Variants in PRKN observed in about 807,000 individuals in gnomAD.
PRKN encodes the protein E3 ubiquitin-protein ligase parkin.
In PRKN, 56 loss-of-function variants were observed where a neutral mutation model predicts 59.5. The ratio of observed to expected loss-of-function variants is 0.94; its 90% CI spans 0.76 to 1.18. The LOEUF is 1.18. PRKN is among the 50% of genes most tolerant of loss of function. The pLI, the probability that PRKN is intolerant of heterozygous loss-of-function variation, is 0.00. For synonymous variants in PRKN, 250 were observed against 222.1 expected (o/e 1.13, Z -1.12); for missense variants, 657 against 596.4 (o/e 1.10, Z -1.06).
At position 162,292,008 on chromosome 6, in the gene PRKN, G is replaced by A. The variant is rs1373841566; in HGVS notation, c.172-29243C>T. Reference sequence around the variant, plus strand: ...GACGGACTTTCACTCTTGTCATCCAGGCTGGAGTGCAATGGCGGGATCTCG... The same window carrying A: ...GACGGACTTTCACTCTTGTCATCCAAGCTGGAGTGCAATGGCGGGATCTCG... On this transcript the variant is annotated intron_variant, in intron 2 of 11. Coordinates refer to ENST00000366898, the MANE Select transcript of PRKN (RefSeq NM_004562.3). Among the ~76,000 whole-genome samples, 3 of 149,294 alleles carry A rather than the reference G, an allele frequency of 2.0e-5. No individual in the cohort carries two copies. In the Admixed American group the frequency reaches 2.0e-4, roughly 10 times the overall value.
At chr6:161,374,911 G>A (rs1158190475) in intron 10 of PRKN, among the ~76,000 whole-genome samples, 5 of 152,134 alleles carry the variant, frequency 3.3e-5, no homozygotes, top group Non-Finnish European at 7.4e-5. Flanking sequence ...TACCAACTCT[G>A]CTGGGATCCT....
chr6:161,849,233 T>C (rs1424841872), intron 6 of PRKN, among the ~76,000 whole-genome samples: 1 of 152,214 alleles, frequency 6.6e-6, no homozygotes, highest in Admixed American at 6.5e-5. Flanking sequence ...CCTCCTAGTC[T>C]GCGTGACGGA....
intron 1 of PRKN, among the ~76,000 whole-genome samples, chr6:162,567,619 A>T (rs913759696): frequency 6.6e-6 from 1 of 151,674 alleles, no homozygotes; most frequent in Non-Finnish European, 1.5e-5. Context: ...TAAATCAAAG[A>T]GAATGCCAAA....
Position 162,654,277 on chromosome 6 carries a change from A to G in PRKN, c.7+73385T>C, listed in dbSNP as rs149913610. 1.2e-3 allele frequency among the ~76,000 whole-genome samples: 187 copies of G among 152,332 alleles called. 2 individuals carry two copies. In the East Asian group the frequency reaches 0.03, roughly 24 times the overall value. On this transcript the variant is annotated intron_variant, in intron 1 of 11. Coordinates refer to ENST00000366898, the MANE Select transcript of PRKN (RefSeq NM_004562.3). ...GTTCATACACATGTTTTTAACAGTT[A>G]TCAAGTTATGGATTAAGAAATATCA...
chr6:162,602,236 G>A (rs915641686), intron 1 of PRKN, among the ~76,000 whole-genome samples: 2 of 152,190 alleles, frequency 1.3e-5, no homozygotes, highest in East Asian at 3.9e-4. Flanking sequence ...CAGATGAGGT[G>A]GCGTTGAGAG....
At chr6:161,703,999 G>A (rs1393262361) in intron 7 of PRKN, among the ~76,000 whole-genome samples, 1 of 151,770 alleles carries the variant, frequency 6.6e-6, no homozygotes, top group Non-Finnish European at 1.5e-5. Flanking sequence ...AGGATTACAG[G>A]CATGCACCAC....
At chr6:162,026,187 C>T (rs1467032042) in intron 5 of PRKN, among the ~76,000 whole-genome samples, 1 of 152,198 alleles carries the variant, frequency 6.6e-6, no homozygotes, top group African/African-American at 2.4e-5. Context: ...TGGACTATCA[C>T]TTCCGCAACT....
chr6:162,128,489 T>G (rs1014246936), intron 4 of PRKN, among the ~76,000 whole-genome samples: 3 of 152,086 alleles, frequency 2.0e-5, no homozygotes, highest in African/African-American at 7.2e-5. Flanking sequence ...AGGCCAAACG[T>G]AGACAGCATC....
intron 6 of PRKN, among the ~76,000 whole-genome samples, chr6:161,874,797 TGTATAAG>T: frequency 2.0e-5 from 2 of 97,744 alleles, no homozygotes; most frequent in African/African-American, 9.9e-5. Context: ...ATAAATAAAA[TGTATAAG>T]ATATATAAAA....
chr6:162,657,188 A>G (rs973493686), intron 1 of PRKN, among the ~76,000 whole-genome samples: 2 of 152,252 alleles, frequency 1.3e-5, no homozygotes, highest in African/African-American at 4.8e-5. Context: ...ACATTGATGC[A>G]ATTATCCATA....
In PRKN at chr6:161,518,891, G is replaced by C. The variant is rs1778714763; in HGVS notation, c.1083+29963C>G. Among the ~76,000 whole-genome samples, 1 of 152,204 alleles carries C rather than the reference G, an allele frequency of 6.6e-6. No individual in the cohort carries two copies. Among genetic ancestry groups the C allele is most frequent in the African/African-American group, 2.4e-5 (1 of 41,452 alleles). On this transcript the variant is annotated intron_variant, in intron 9 of 11. Transcript: ENST00000366898. This position sits in a 1 kb window ranked among gnomAD's most constrained non-coding sequence, Gnocchi z 5.0. ...AGCAGCCCTCCACACCAATGTCAGG[G>C]AGAGGAAGGCTGAGCACAAGAGAAT...
chr6:161,537,551 A>T (rs538767596), intron 9 of PRKN, among the ~76,000 whole-genome samples: 2 of 150,712 alleles, frequency 1.3e-5, no homozygotes, highest in Admixed American at 1.3e-4. Flanking sequence ...TCCCAGGTTC[A>T]CACCATTCTC....
chr6:162,637,566 A>G (rs1242304324), intron 1 of PRKN, among the ~76,000 whole-genome samples: 1 of 152,170 alleles, frequency 6.6e-6, no homozygotes, highest in Non-Finnish European at 1.5e-5. Context: ...TCCCATGGAC[A>G]TTCCTTCTAT....
chr6:161,490,696 T>C (rs1423408036), intron 9 of PRKN, among the ~76,000 whole-genome samples: 2 of 152,094 alleles, frequency 1.3e-5, no homozygotes, highest in African/African-American at 4.8e-5. Flanking sequence ...CGGCCAGATC[T>C]CTCTACTTTT....
At chr6:162,709,130 A>C (rs1269184022) in intron 1 of PRKN, among the ~76,000 whole-genome samples, 1 of 151,998 alleles carries the variant, frequency 6.6e-6, no homozygotes, top group African/African-American at 2.4e-5. Context: ...ACAGCAAAAT[A>C]AACTCAGGGG....
intron 6 of PRKN, among the ~76,000 whole-genome samples, chr6:161,804,346 G>A (rs1204735509): frequency 6.6e-6 from 1 of 152,178 alleles, no homozygotes; most frequent in Non-Finnish European, 1.5e-5. Flanking sequence ...GTGCTCAGAT[G>A]CTGCCAGCTG....
chr6:162,669,855 T>C lies in PRKN; in HGVS notation c.7+57807A>G, dbSNP rs559147641. The stretch of plus-strand genomic sequence containing the variant: ...TTATAGGATTGAGGGATGGCATATT[T>C]GGCATCAATAGAATTCAAACGTCTC... On this transcript the variant is annotated intron_variant, in intron 1 of 11. Coordinates refer to ENST00000366898, the MANE Select transcript of PRKN (RefSeq NM_004562.3). 2.6e-5 allele frequency among the ~76,000 whole-genome samples: 4 copies of C among 152,324 alleles called. No individual in the cohort carries two copies. The South Asian group carries it at 8.3e-4, about 32-fold the overall frequency.
intron 4 of PRKN, among the ~76,000 whole-genome samples, chr6:162,191,481 C>T (rs1285619855): frequency 6.6e-6 from 1 of 152,150 alleles, no homozygotes; most frequent in Non-Finnish European, 1.5e-5. Context: ...CTCACTCTGT[C>T]ACCCAAGCTG....
chr6:161,412,102 C>T (rs966174358), intron 9 of PRKN, among the ~76,000 whole-genome samples: 3 of 150,164 alleles, frequency 2.0e-5, no homozygotes, highest in African/African-American at 7.4e-5. Flanking sequence ...CATTCCTCCA[C>T]TCACTCATTC....
Sources: allele counts gnomAD v4.1 joint callset (sites outside exome capture counted in the v4.1 genomes callset), GRCh38; gene constraint gnomAD v4.1.1; non-coding constraint Gnocchi (gnomAD v3.1); transcripts MANE v1.5; gene names NCBI Gene and HGNC (gene_info 2026-07-23, HGNC 2026-07-21).